The following SLFN12L variants were observed in gnomAD, a reference collection of about 807,000 sequenced individuals.
SLFN12L encodes schlafen family member 12-like.
A neutral mutation model predicts 34.8 loss-of-function variants in SLFN12L; 34 were observed. The ratio of observed to expected loss-of-function variants is 0.98; its 90% CI spans 0.74 to 1.30. The LOEUF (loss-of-function observed/expected upper bound fraction) is 1.30, where lower values mean the gene tolerates loss of function less well. SLFN12L is among the 50% of genes most tolerant of loss of function. SLFN12L has a pLI of 0.00. For synonymous variants in SLFN12L, 259 were observed against 247.5 expected (o/e 1.05, Z -0.44); for missense variants, 703 against 696.2 (o/e 1.01, Z -0.11).
chr17:35,536,673 G>A (rs1220030170), intron 1 of SLFN12L, among the ~76,000 whole-genome samples: 1 of 151,728 alleles, frequency 6.6e-6, no homozygotes, highest in Admixed American at 6.6e-5. Flanking sequence ...TGGGTGTGGT[G>A]GTGCATGGTC....
At position 35,469,524 on chromosome 17, in the gene SLFN12L, A is replaced by G. The variant is rs1179823648; in HGVS notation, c.*5399T>C. Among the ~76,000 whole-genome samples the G allele has an allele frequency of 6.6e-6, 1 of 151,578 alleles. No homozygotes were observed. The highest frequency in any genetic ancestry group is 6.6e-5 in the Admixed American group (1 of 15,192). On this transcript the variant is annotated 3_prime_UTR_variant, in exon 5 of 5. Coordinates refer to ENST00000628453, the MANE Select transcript of SLFN12L (RefSeq NM_001363830.2). ...ATTGTTCTTCTATCTTACTCTTACA[A>G]TAAAATATTTTCTAGGCTATTTAGG... is the stretch of plus-strand genomic sequence containing the variant.
intron 4 of SLFN12L, among the ~76,000 whole-genome samples, chr17:35,475,793 G>A (rs984562784): frequency 2.0e-5 from 3 of 151,970 alleles, no homozygotes; most frequent in Non-Finnish European, 4.4e-5. Context: ...CCAGCTACTT[G>A]GGAGGCTGAG....
chr17:35,503,188 TA>T (rs1051390176), intron 2 of SLFN12L, among the ~76,000 whole-genome samples: 52 of 152,152 alleles, frequency 3.4e-4, no homozygotes, highest in Non-Finnish European at 4.9e-4. Context: ...ATTAAAGGGT[TA>T]AAAAAATGTT....
rs762425515 is a variant in SLFN12L, at chr17:35,479,699, C to T, written c.583G>A (p.Gly195Arg). 3.1e-6 allele frequency: 5 copies of T among 1,613,890 alleles called. No homozygotes were observed. Among genetic ancestry groups the T allele is most frequent in the Non-Finnish European group, 4.2e-6 (5 of 1,179,874 alleles). Reference sequence around the variant, plus strand: ...TCTGGTCTTAAATATGCTCTCCCTCCAGTTTTTTCCATGTCTTTGAGGAAC... The same window carrying T: ...TCTGGTCTTAAATATGCTCTCCCTCTAGTTTTTTCCATGTCTTTGAGGAAC... Reference protein sequence around the residue: ...LEFLKDMEKTGGRAYLRPEFP... With the variant: ...LEFLKDMEKTRGRAYLRPEFP... The change falls in exon 3 of 5, where the codon GGA becomes AGA. Residue 195 changes from glycine (G) to arginine (R), a missense_variant. Transcript: ENST00000628453.
chr17:35,490,494 G>A, intron 2 of SLFN12L: 2 of 941,320 alleles, frequency 2.1e-6, no homozygotes, highest in East Asian at 2.4e-5. Flanking sequence ...CCAAAGCTCT[G>A]AAAGGCATCC....
chr17:35,520,336 G>A (rs1384988405), intron 2 of SLFN12L, among the ~76,000 whole-genome samples: 1 of 152,198 alleles, frequency 6.6e-6, no homozygotes, highest in African/African-American at 2.4e-5. Context: ...GGCTGGTTTC[G>A]ATTCTGAGCA....
chr17:35,526,801 A>G (rs1201105842), intron 1 of SLFN12L, among the ~76,000 whole-genome samples: 3 of 152,190 alleles, frequency 2.0e-5, no homozygotes, highest in Non-Finnish European at 4.4e-5. Context: ...TAAAAGAACT[A>G]GAGAAGCGAC....
In SLFN12L at chr17:35,468,232, G is replaced by A. The variant is rs1276185567; in HGVS notation, c.*6691C>T. ...AGCCTGCTGATCTTACTGCTGGTAT[G>A]GGTGCTTTTGTTGTTTTATCATCTG... On this transcript the variant is annotated 3_prime_UTR_variant, in exon 5 of 5. Coordinates refer to ENST00000628453, the MANE Select transcript of SLFN12L (RefSeq NM_001363830.2). 6.6e-6 allele frequency among the ~76,000 whole-genome samples: 1 copy of A among 152,132 alleles called. No individual in the cohort carries two copies. The highest frequency in any genetic ancestry group is 1.5e-5 in the Non-Finnish European group (1 of 68,024).
intron 2 of SLFN12L, 132 bp from the exon 3 acceptor site, chr17:35,480,327 T>A: frequency 1.6e-6 from 1 of 610,060 alleles, no homozygotes; most frequent in Non-Finnish European, 2.6e-6. Flanking sequence ...CTGAGATAAC[T>A]AATTTCTAAC....
chr17:35,504,904 A>G (rs1001158969), intron 2 of SLFN12L, among the ~76,000 whole-genome samples: 16 of 152,306 alleles, frequency 1.1e-4, no homozygotes, highest in African/African-American at 3.9e-4. Context: ...TGTGCCCAAT[A>G]ACTGGAGTGG....
intron 2 of SLFN12L, among the ~76,000 whole-genome samples, chr17:35,513,782 T>C (rs1915728491): frequency 6.6e-6 from 1 of 152,230 alleles, no homozygotes; most frequent in South Asian, 2.1e-4. Context: ...GCAAACATTT[T>C]TACAAGTAGA....
At position 35,479,508 on chromosome 17, in the gene SLFN12L, T is replaced by C. The variant is rs764459591; in HGVS notation, c.774A>G (p.Gln258=). The change falls in exon 3 of 5, where the codon CAA becomes CAG. Residue 258 remains glutamine, a synonymous_variant. Transcript: ENST00000628453. Reference sequence around the variant, plus strand: ...ATTGAGGGAGAATCTCTGTAATTCGTTGTAACAACTTTTCAGTCGAGAAGT... The same window carrying C: ...ATTGAGGGAGAATCTCTGTAATTCGCTGTAACAACTTTTCAGTCGAGAAGT... ...IKNFSTEKLL[Q]RITEILPQYV... is the part of the protein sequence containing the mutation. The C allele has an allele frequency of 4.3e-6, 7 of 1,614,228 alleles. No individual in the cohort carries two copies. In the African/African-American group the frequency reaches 5.3e-5, roughly 12 times the overall value.
chr17:35,529,348 T>A (rs1458934108), intron 1 of SLFN12L, among the ~76,000 whole-genome samples: 2 of 152,230 alleles, frequency 1.3e-5, no homozygotes, highest in African/African-American at 4.8e-5. Flanking sequence ...TTACTGGGTA[T>A]ATACCCAAAG....
intron 1 of SLFN12L, among the ~76,000 whole-genome samples, chr17:35,535,478 C>T (rs1413316550): frequency 6.8e-6 from 1 of 148,120 alleles, no homozygotes; most frequent in African/African-American, 2.5e-5. Context: ...ATTACAGCAC[C>T]GCACCCAGCC....
chr17:35,535,347 T>C (rs901301722), intron 1 of SLFN12L, among the ~76,000 whole-genome samples: 2 of 151,714 alleles, frequency 1.3e-5, no homozygotes, highest in Non-Finnish European at 2.9e-5. Context: ...TGTGCCACCT[T>C]GCCTAGCTAA....
chr17:35,480,486 T>C (rs1368761074), intron 2 of SLFN12L: 1 of 274,798 alleles, frequency 3.6e-6, no homozygotes, highest in East Asian at 6.5e-5. Flanking sequence ...GTACAATTTG[T>C]TTTCTCTCTT....
intron 2 of SLFN12L, among the ~76,000 whole-genome samples, chr17:35,513,955 C>T (rs1338876317): frequency 6.6e-6 from 1 of 152,146 alleles, no homozygotes; most frequent in Non-Finnish European, 1.5e-5. Context: ...TTAAAAAAGG[C>T]AAGGCCTGGT....
intron 1 of SLFN12L, among the ~76,000 whole-genome samples, chr17:35,524,085 G>T (rs565040893): frequency 9.0e-4 from 137 of 152,290 alleles, no homozygotes; most frequent in African/African-American, 2.5e-3. Context: ...ACTGGTAATT[G>T]TTTATTGTTC....
In SLFN12L at chr17:35,473,370, A is replaced by G. The variant is rs927424114; in HGVS notation, c.*1553T>C. On this transcript the variant is annotated 3_prime_UTR_variant, in exon 5 of 5. Transcript: ENST00000628453. ...GAGTTTTTAACATAAAGGGATGTTGAATTTTGTCAGAGTCTTTTTCTGCAT... is the reference window on the plus strand; with the variant it reads ...GAGTTTTTAACATAAAGGGATGTTGGATTTTGTCAGAGTCTTTTTCTGCAT... Among the ~76,000 whole-genome samples the G allele has an allele frequency of 2.0e-5, 3 of 152,180 alleles. No homozygotes were observed. The highest frequency in any genetic ancestry group is 4.4e-5 in the Non-Finnish European group (3 of 68,026).
Sources: allele counts gnomAD v4.1 joint callset (sites outside exome capture counted in the v4.1 genomes callset), GRCh38; gene constraint gnomAD v4.1.1; transcripts MANE v1.5; gene names NCBI Gene and HGNC (gene_info 2026-07-23, HGNC 2026-07-21).